Variants in SPTLC1 observed in about 807,000 individuals in gnomAD.
SPTLC1 encodes serine palmitoyltransferase 1.
Under a neutral mutation model 68.9 loss-of-function variants are expected in SPTLC1, and 55 were observed. That is an observed-to-expected ratio of 0.80 (90% CI 0.64 to 1.00). SPTLC1 has a LOEUF of 1.00. SPTLC1 is among the 50% of genes least tolerant of loss of function. The pLI, the probability that SPTLC1 is intolerant of heterozygous loss-of-function variation, is 0.00. For synonymous variants in SPTLC1, 197 were observed against 201.6 expected, an observed-to-expected ratio of 0.98 and a Z score of 0.19; for missense variants, 449 against 573.1, an observed-to-expected ratio of 0.78 and a Z score of 2.21.
intron 3 of SPTLC1, among the ~76,000 whole-genome samples, chr9:92,088,428 ACCT>A (rs1835239594): frequency 6.6e-6 from 1 of 152,002 alleles, no homozygotes; most frequent in South Asian, 2.1e-4. Flanking sequence ...AGTGCCACTC[ACCT>A]CCTCAACTGT....
intron 3 of SPTLC1, among the ~76,000 whole-genome samples, chr9:92,089,548 G>A (rs749702717): frequency 1.3e-5 from 2 of 152,124 alleles, no homozygotes; most frequent in Non-Finnish European, 2.9e-5. Flanking sequence ...GCAGAAAAAT[G>A]AAAGACAGAG....
chr9:92,109,110 T>C (rs1039278536), intron 2 of SPTLC1: 7 of 307,958 alleles, frequency 2.3e-5, no homozygotes, highest in African/African-American at 4.3e-5. Context: ...GGCCTAACCA[T>C]AGGATTTCAC....
intron 8 of SPTLC1, 120 bp downstream of exon 8, chr9:92,055,285 G>A: frequency 6.5e-7 from 1 of 1,537,004 alleles, no homozygotes; most frequent in East Asian, 2.4e-5. Context: ...AGCAAAATAT[G>A]CTTATGAGGC....
intron 3 of SPTLC1, among the ~76,000 whole-genome samples, chr9:92,085,130 C>G (rs1191409728): frequency 2.0e-5 from 3 of 151,262 alleles, no homozygotes; most frequent in Non-Finnish European, 4.4e-5. Flanking sequence ...ATTCTTCTCT[C>G]TTTTTTTCTT....
intron 7 of SPTLC1, 46 bp downstream of exon 7, chr9:92,059,133 T>C (rs1833999328): frequency 1.2e-6 from 2 of 1,603,006 alleles, no homozygotes; most frequent in Non-Finnish European, 1.7e-6. Flanking sequence ...TTTAGCTGGT[T>C]AGAAAGTACA....
chr9:92,109,010 A>C (rs962993418), intron 2 of SPTLC1, 176 bp from the exon 3 acceptor site: 7 of 942,040 alleles, frequency 7.4e-6, no homozygotes, highest in South Asian at 1.7e-5. Flanking sequence ...CGCATAATAC[A>C]TAATGACCCA....
intron 3 of SPTLC1, among the ~76,000 whole-genome samples, chr9:92,082,432 T>C (rs995044189): frequency 7.5e-6 from 1 of 132,808 alleles, no homozygotes; most frequent in Non-Finnish European, 1.6e-5. Flanking sequence ...ATGTTCCCCT[T>C]CCTGTGTCCA....
chr9:92,040,715 G>A (rs921897635), intron 12 of SPTLC1, among the ~76,000 whole-genome samples: 10 of 150,424 alleles, frequency 6.6e-5, no homozygotes, highest in South Asian at 2.1e-4. Flanking sequence ...CTGAGATCGC[G>A]CCACTGTGCT....
chr9:92,077,357 G>A (rs1373756980), intron 5 of SPTLC1, among the ~76,000 whole-genome samples: 1 of 151,940 alleles, frequency 6.6e-6, no homozygotes, highest in Non-Finnish European at 1.5e-5. Flanking sequence ...CTAGCCGGAC[G>A]GTCAGTTCTT....
chr9:92,071,511 T>C (rs1834489741), intron 5 of SPTLC1, among the ~76,000 whole-genome samples: 1 of 152,224 alleles, frequency 6.6e-6, no homozygotes, highest in African/African-American at 2.4e-5. Flanking sequence ...GAGCCAAATG[T>C]TTTTCATGTT....
At chr9:92,105,009 C>G in intron 3 of SPTLC1, 1 of 1,520,086 alleles carries the variant, frequency 6.6e-7, no homozygotes, top group South Asian at 1.2e-5. Context: ...CCGGGCTGCT[C>G]CCTGTGGCCA....
At chr9:92,061,367 A>C (rs767269865) in intron 6 of SPTLC1, among the ~76,000 whole-genome samples, 6 of 152,246 alleles carry the variant, frequency 3.9e-5, no homozygotes, top group Non-Finnish European at 8.8e-5. Context: ...TGCCGAAAGA[A>C]AATAACTGTC....
intron 5 of SPTLC1, chr9:92,079,566 T>C: frequency 6.2e-7 from 1 of 1,612,836 alleles, no homozygotes; most frequent in Non-Finnish European, 8.5e-7. Context: ...TCATCTTCAT[T>C]CTAGAAAGAT....
At chr9:92,110,363 G>C (rs1369611210) in intron 2 of SPTLC1, 1 of 151,946 alleles carries the variant, frequency 6.6e-6, no homozygotes, top group Non-Finnish European at 1.5e-5. Flanking sequence ...TCTCCTATTC[G>C]ATTAGAAATC....
chr9:92,085,183 A>T (rs1256820201), intron 3 of SPTLC1, among the ~76,000 whole-genome samples: 3 of 149,148 alleles, frequency 2.0e-5, no homozygotes, highest in African/African-American at 7.5e-5. Context: ...TGATCCTTTC[A>T]AAAAACCAGC....
intron 5 of SPTLC1, among the ~76,000 whole-genome samples, chr9:92,073,162 T>A (rs960134412): frequency 2.0e-5 from 3 of 152,194 alleles, no homozygotes; most frequent in Non-Finnish European, 2.9e-5. Context: ...CAGGTTCACA[T>A]CCCTTTCTCT....
At chr9:92,046,127 C>A (rs1833506040) in intron 11 of SPTLC1, 74 bp from the exon 12 acceptor site, 1 of 1,238,720 alleles carries the variant, frequency 8.1e-7, no homozygotes, top group Non-Finnish European at 1.2e-6. Context: ...TTTTTGAAGA[C>A]CCAGATCAAG....
chr9:92,048,386 T>C (rs78137644), intron 9 of SPTLC1, among the ~76,000 whole-genome samples: 1,810 of 152,328 alleles, frequency 0.012, 42 homozygotes, highest in African/African-American at 0.041. Flanking sequence ...TGTTAATGGA[T>C]TGTCAGAACA....
chr9:92,046,893 G>A (rs1323649095), intron 11 of SPTLC1, among the ~76,000 whole-genome samples: 1 of 152,176 alleles, frequency 6.6e-6, no homozygotes, highest in Non-Finnish European at 1.5e-5. Context: ...TTTAGGCCCA[G>A]AACTGGCTGA....
Sources: allele counts gnomAD v4.1 joint callset (sites outside exome capture counted in the v4.1 genomes callset), GRCh38; gene constraint gnomAD v4.1.1; transcripts MANE v1.5; gene names NCBI Gene and HGNC (gene_info 2026-07-23, HGNC 2026-07-21).